The following ZMYM4 variants were observed in gnomAD, a reference collection of about 807,000 sequenced individuals.
The protein encoded by ZMYM4 is zinc finger MYM-type containing 4.
A neutral mutation model predicts 183.2 loss-of-function variants in ZMYM4; 31 were observed. The observed-to-expected ratio is 0.17, with a 90% CI of 0.13 to 0.23. The LOEUF is 0.23. ZMYM4 is among the 10% of genes least tolerant of loss of function. The pLI, the probability that ZMYM4 is intolerant of heterozygous loss-of-function variation, is 1.00. For synonymous variants in ZMYM4, 592 were observed against 631.2 expected (o/e 0.94, Z 0.93); for missense variants, 1,273 against 1,840.3 (o/e 0.69, Z 5.64).
In ZMYM4 at chr1:35,405,569, T is replaced by G. The variant is rs985869931; in HGVS notation, c.3796+101T>G. On this transcript the variant is annotated intron_variant, in intron 25 of 29. Coordinates refer to ENST00000314607, the MANE Select transcript of ZMYM4 (RefSeq NM_005095.3). ...TTAAAATTATTTAAAATTTAGAGTATTAAGGTTAGAAAGAGAAATTAATCT... is the reference window on the plus strand; with the variant it reads ...TTAAAATTATTTAAAATTTAGAGTAGTAAGGTTAGAAAGAGAAATTAATCT... 6.5e-5 allele frequency: 63 copies of G among 963,810 alleles called. No individual in the cohort carries two copies. In the East Asian group the frequency reaches 1.2e-3, roughly 19 times the overall value. 59.7% of individuals were successfully genotyped at this position (963,810 alleles called of 1,614,324 possible).
intron 23 of ZMYM4, among the ~76,000 whole-genome samples, chr1:35,404,359 C>T (rs186940600): frequency 2.2e-3 from 330 of 152,254 alleles, no homozygotes; most frequent in Non-Finnish European, 3.3e-3. Context: ...TTGCACTTGG[C>T]CTTCCTTTTC....
In ZMYM4 at chr1:35,268,975, C is replaced by CGGGGGCCG. The variant is rs1639445138; in HGVS notation, c.-63_-56dup. On this transcript the variant is annotated 5_prime_UTR_variant, in exon 1 of 30. Transcript: ENST00000314607. ...GAGGCGGCCGTGCCTGCAGTGTGGG[C>CGGGGGCCG]GGGGGCCGGGGGGCCGAGAGGTACC... 10 of 1,466,808 alleles carry CGGGGGCCG rather than the reference C, an allele frequency of 6.8e-6. No homozygotes were observed. The highest frequency in any genetic ancestry group is 1.5e-5 in the African/African-American group (1 of 68,128). The allele number at this position is 1,466,808 out of a possible 1,614,324, so 90.9% of individuals were successfully genotyped here.
At chr1:35,398,777 G>A (rs1644851952) in intron 21 of ZMYM4, 87 bp from the exon 22 acceptor site, 1 of 1,341,988 alleles carries the variant, frequency 7.5e-7, no homozygotes, top group Non-Finnish European at 1.0e-6. Context: ...CTCATTTTTT[G>A]GTATTTAGGG....
At chr1:35,320,139 A>C (rs891432576) in intron 1 of ZMYM4, among the ~76,000 whole-genome samples, 2 of 152,212 alleles carry the variant, frequency 1.3e-5, no homozygotes, top group Non-Finnish European at 2.9e-5. Flanking sequence ...TGAAGTGATA[A>C]GTGTGGATTG....
At chr1:35,281,023 G>T (rs948559191) in intron 1 of ZMYM4, among the ~76,000 whole-genome samples, 2 of 152,066 alleles carry the variant, frequency 1.3e-5, no homozygotes, top group Non-Finnish European at 2.9e-5. Flanking sequence ...GATGGCTCAC[G>T]CACGTAATCC....
At chr1:35,335,330 G>A (rs1372114092) in intron 2 of ZMYM4, among the ~76,000 whole-genome samples, 5 of 151,618 alleles carry the variant, frequency 3.3e-5, no homozygotes, top group East Asian at 3.9e-4. Flanking sequence ...TCTGCTTCCC[G>A]GGTTCAAGTG....
chr1:35,376,553 C>G (rs1436992248), intron 7 of ZMYM4, among the ~76,000 whole-genome samples: 1 of 151,848 alleles, frequency 6.6e-6, no homozygotes, highest in Admixed American at 6.5e-5. Context: ...GAGACGGAGT[C>G]TCACTTTGTT....
intron 1 of ZMYM4, among the ~76,000 whole-genome samples, chr1:35,312,034 G>A (rs1275154930): frequency 6.6e-6 from 1 of 152,070 alleles, no homozygotes; most frequent in African/African-American, 2.4e-5. Flanking sequence ...TTACAGTCAT[G>A]AGCCACCATA....
At chr1:35,276,854 G>A (rs181628823) in intron 1 of ZMYM4, among the ~76,000 whole-genome samples, 15 of 152,146 alleles carry the variant, frequency 9.9e-5, no homozygotes, top group African/African-American at 2.9e-4. Context: ...TGATCCACCC[G>A]CCTCCGCCTC....
chr1:35,417,511 A>G (rs1304471586), intron 28 of ZMYM4, among the ~76,000 whole-genome samples: 1 of 152,208 alleles, frequency 6.6e-6, no homozygotes, highest in African/African-American at 2.4e-5. Flanking sequence ...GATGCCCAGT[A>G]CTAGTGCCCC....
chr1:35,408,854 A>C (rs1417816127), intron 26 of ZMYM4, among the ~76,000 whole-genome samples: 1 of 152,212 alleles, frequency 6.6e-6, no homozygotes, highest in Non-Finnish European at 1.5e-5. Context: ...GTACATTCTT[A>C]ATGTGCAGTC....
At chr1:35,270,758 C>T (rs1639555912) in intron 1 of ZMYM4, among the ~76,000 whole-genome samples, 2 of 152,174 alleles carry the variant, frequency 1.3e-5, no homozygotes, top group South Asian at 4.2e-4. Context: ...GCCTAGGTGA[C>T]AGAGGGAGGC....
At chr1:35,286,014 A>G (rs1449001301) in intron 1 of ZMYM4, among the ~76,000 whole-genome samples, 2 of 152,190 alleles carry the variant, frequency 1.3e-5, no homozygotes, top group East Asian at 3.8e-4. Flanking sequence ...CACCATGTCT[A>G]TTCAGTGTAG....
Position 35,277,440 on chromosome 1 carries a change from TTA to T in ZMYM4, c.39+8358_39+8359del, listed in dbSNP as rs1570225744. Reference sequence around the variant, plus strand: ...GGAATTGTTCTAGACAAATTAGGATTTATAGTCATTCCATTAGATGGGGCTGT... The same window carrying T: ...GGAATTGTTCTAGACAAATTAGGATTTAGTCATTCCATTAGATGGGGCTGT... On this transcript the variant is annotated intron_variant, in intron 1 of 29. Transcript: ENST00000314607. Among the ~76,000 whole-genome samples the T allele has an allele frequency of 7.9e-5, 12 of 152,282 alleles. 3 individuals are homozygous for T. Among genetic ancestry groups the T allele is most frequent in the Admixed American group, 2.0e-4 (3 of 15,300 alleles).
chr1:35,370,496 G>A lies in ZMYM4; in HGVS notation c.1050G>A (p.Lys350=), dbSNP rs371045715. The A allele has an allele frequency of 7.7e-5, 125 of 1,613,268 alleles. No homozygotes were observed. Among genetic ancestry groups the A allele is most frequent in the Middle Eastern group, 1.6e-4 (1 of 6,082 alleles). Residue 350 remains lysine (K), a synonymous_variant, in exon 7 of 30, where the codon AAG becomes AAA. Coordinates refer to ENST00000314607, the MANE Select transcript of ZMYM4 (RefSeq NM_005095.3). The part of the protein sequence containing the change: ...SCSGCKKILQ[K]GQTAYQRKGS... Reference sequence around the variant, plus strand: ...CTGGTTGTAAAAAAATCCTCCAGAAGGGGCAAACTGCTTATCAGAGGAAAG... The same window carrying A: ...CTGGTTGTAAAAAAATCCTCCAGAAAGGGCAAACTGCTTATCAGAGGAAAG...
At chr1:35,320,269 A>G (rs1642226644) in intron 1 of ZMYM4, among the ~76,000 whole-genome samples, 1 of 152,182 alleles carries the variant, frequency 6.6e-6, no homozygotes, top group South Asian at 2.1e-4. Context: ...CAGCAGTGCC[A>G]ATGATTTACT....
intron 1 of ZMYM4, among the ~76,000 whole-genome samples, chr1:35,316,591 G>A (rs1642054976): frequency 6.6e-6 from 1 of 152,170 alleles, no homozygotes; most frequent in Non-Finnish European, 1.5e-5. Context: ...TTCATACACA[G>A]ACAGCAAAGT....
chr1:35,330,391 C>T (rs1328664794), intron 2 of ZMYM4, among the ~76,000 whole-genome samples: 1 of 152,098 alleles, frequency 6.6e-6, no homozygotes, highest in Non-Finnish European at 1.5e-5. Context: ...GTGTGACTTC[C>T]ATTTTCAAGG....
intron 1 of ZMYM4, among the ~76,000 whole-genome samples, chr1:35,277,684 C>G (rs1639940131): frequency 6.6e-6 from 1 of 151,970 alleles, no homozygotes; most frequent in South Asian, 2.1e-4. Flanking sequence ...GGAATTCTTT[C>G]ATAAAGAATT....
Sources: gnomAD v4.1 joint callset for allele counts (sites outside exome capture counted in the v4.1 genomes callset) on GRCh38, gnomAD v4.1.1 for gene constraint, MANE v1.5 for transcripts, NCBI Gene and HGNC (gene_info 2026-07-23, HGNC 2026-07-21) for gene names.